Variants in TNC observed in about 807,000 individuals in gnomAD.
TNC encodes tenascin.
TNC carries 109 observed loss-of-function variants against 202.4 expected under a neutral mutation model. That is an observed-to-expected ratio of 0.54 (90% CI 0.46 to 0.63). The LOEUF is 0.63. TNC is among the 30% of genes least tolerant of loss of function. TNC has a pLI of 0.00. For synonymous variants in TNC, 1,007 were observed against 1,089.7 expected (o/e 0.92, Z 1.50); for missense variants, 2,756 against 2,833.3 (o/e 0.97, Z 0.62).
At chr9:115,066,849 C>T (rs1832993425) in intron 10 of TNC, among the ~76,000 whole-genome samples, 1 of 152,220 alleles carries the variant, frequency 6.6e-6, no homozygotes, top group Non-Finnish European at 1.5e-5. Flanking sequence ...TTGATGGCTG[C>T]TTTTGTGTTA....
chr9:115,108,333 A>G (rs1836771278), intron 1 of TNC, among the ~76,000 whole-genome samples: 1 of 152,210 alleles, frequency 6.6e-6, no homozygotes, highest in African/African-American at 2.4e-5. Context: ...TACTGGGCTA[A>G]CGAAAGTTGA....
chr9:115,086,067 C>T lies in TNC; in HGVS notation c.1664G>A (p.Gly555Asp), dbSNP rs749429524. The T allele has an allele frequency of 3.7e-6, 6 of 1,614,158 alleles. No individual in the cohort carries two copies. Among genetic ancestry groups the T allele is most frequent in the Non-Finnish European group, 5.1e-6 (6 of 1,179,970 alleles). ...ACATCTTTGCTCCTTGCAGTCTTTG[C>T]CCATAAATCCTTCATGGCACACGCA... The part of the protein sequence containing the change: ...GQCVCHEGFM[G>D]KDCKEQRCPS... The change falls in exon 3 of 28, where the codon GGC becomes GAC. Residue 555 changes from glycine (G) to aspartate (D), a missense_variant. This residue lies in a region of TNC where 2,559 missense variants were observed against 2,546.0 expected (regional missense o/e 1.01). Coordinates refer to ENST00000350763, the MANE Select transcript of TNC (RefSeq NM_002160.4).
intron 1 of TNC, among the ~76,000 whole-genome samples, chr9:115,095,536 G>A (rs1366249819): frequency 4.3e-3 from 7 of 1,618 alleles, no homozygotes; most frequent in African/African-American, 0.015. Flanking sequence ...ATATATATAT[G>A]TATATATATG....
At chr9:115,048,605 G>T (rs1831397988) in intron 15 of TNC, 73 bp from the exon 16 acceptor site, 2 of 1,434,946 alleles carry the variant, frequency 1.4e-6, no homozygotes, top group Non-Finnish European at 1.9e-6. Flanking sequence ...ACGTTTCCAA[G>T]AACACCAATA....
At chr9:115,108,596 C>A (rs943626164) in intron 1 of TNC, among the ~76,000 whole-genome samples, 1 of 152,176 alleles carries the variant, frequency 6.6e-6, no homozygotes, top group Non-Finnish European at 1.5e-5. Context: ...AATATCACTA[C>A]CTGAAATTGT....
intron 1 of TNC, among the ~76,000 whole-genome samples, chr9:115,097,045 G>A (rs1044906439): frequency 2.0e-5 from 3 of 152,150 alleles, no homozygotes; most frequent in Admixed American, 1.3e-4. Context: ...GCACTGCTGT[G>A]CTCCAGAGTT....
At chr9:115,028,554 T>G (rs939800633) in intron 25 of TNC, among the ~76,000 whole-genome samples, 11 of 152,120 alleles carry the variant, frequency 7.2e-5, no homozygotes, top group African/African-American at 2.7e-4. Context: ...TGAGTTTTGG[T>G]TCTTCCTTAA....
rs1289667964 is a variant in TNC at position 115,086,678 on chromosome 9, G to A, written c.1053C>T (p.His351=). The change falls in exon 3 of 28, where the codon CAC becomes CAT. Residue 351 remains histidine (H), a synonymous_variant. Coordinates refer to ENST00000350763, the MANE Select transcript of TNC (RefSeq NM_002160.4). ...GCCCCTCCTCACACCGGCCCTGGGT[G>A]TGGCAGGCATGTGGGCAGGTGGGTT... ...CGKPTCPHAC[H]TQGRCEEGQC... 1 of 1,614,184 alleles carries A rather than the reference G, an allele frequency of 6.2e-7. No homozygotes were observed. The highest frequency in any genetic ancestry group is 1.7e-5 in the Admixed American group (1 of 60,038).
At position 115,063,999 on chromosome 9, in the gene TNC, G is replaced by T; in HGVS notation, c.3557C>A (p.Thr1186Asn). ...GTACTCATAGGCCCCTTCTGGAGCA[G>T]TCCAGTTGAGTTTGAGGGCATCCCA... ...VGWDALKLNWTAPEGAYEYFF... is the reference protein window; with the variant it reads ...VGWDALKLNWNAPEGAYEYFF... Residue 1186 changes from threonine to asparagine, a missense_variant, in exon 12 of 28, where the codon ACT becomes AAT. Around this residue, in one of 2 missense-constraint regions of TNC, gnomAD observed 2,559 missense variants for 2,546.0 expected, o/e 1.01. Transcript: ENST00000350763. 6.2e-7 allele frequency: 1 copy of T among 1,614,052 alleles called. No homozygotes were observed. Among genetic ancestry groups the T allele is most frequent in the Non-Finnish European group, 8.5e-7 (1 of 1,179,976 alleles).
intron 1 of TNC, among the ~76,000 whole-genome samples, chr9:115,116,232 G>C (rs768211900): frequency 6.6e-6 from 1 of 152,258 alleles, no homozygotes; most frequent in East Asian, 1.9e-4. Context: ...ACAAAGCATA[G>C]AGGAAAAAAA....
chr9:115,041,299 CCA>C (rs1491065851), intron 18 of TNC, among the ~76,000 whole-genome samples: 5 of 79,672 alleles, frequency 6.3e-5, no homozygotes, highest in African/African-American at 2.6e-4. Context: ...AAAAACAAAG[CCA>C]GGAGGGGCGG....
chr9:115,065,183 G>A (rs1832855258), intron 10 of TNC, among the ~76,000 whole-genome samples: 2 of 152,138 alleles, frequency 1.3e-5, no homozygotes, highest in Admixed American at 6.5e-5. Context: ...ATCATTTGAG[G>A]TCAGGGGTTC....
At chr9:115,062,147 G>A (rs528087726) in intron 13 of TNC, among the ~76,000 whole-genome samples, 1 of 152,324 alleles carries the variant, frequency 6.6e-6, no homozygotes, top group African/African-American at 2.4e-5. Context: ...CTCTGTTGCT[G>A]TATGATAAAT....
chr9:115,021,655 G>A (rs962379314), intron 27 of TNC, among the ~76,000 whole-genome samples: 1 of 152,212 alleles, frequency 6.6e-6, no homozygotes, highest in Non-Finnish European at 1.5e-5. Context: ...GTGTGTGTGT[G>A]TGTGTCTGTA....
intron 6 of TNC, among the ~76,000 whole-genome samples, chr9:115,079,628 T>C (rs1042350067): frequency 6.6e-6 from 1 of 152,140 alleles, no homozygotes; most frequent in African/African-American, 2.4e-5. Context: ...GCAAAGATGG[T>C]GCTTTGTTAT....
chr9:115,063,534 T>C (rs917644960), intron 12 of TNC, among the ~76,000 whole-genome samples: 2 of 152,168 alleles, frequency 1.3e-5, no homozygotes, highest in African/African-American at 2.4e-5. Flanking sequence ...ACTTTTTAGA[T>C]ATTGTGACTG....
intron 1 of TNC, among the ~76,000 whole-genome samples, chr9:115,111,599 C>T (rs187984943): frequency 6.6e-5 from 10 of 151,644 alleles, no homozygotes; most frequent in Admixed American, 5.3e-4. Flanking sequence ...TTAGTAGATA[C>T]GGGGTTTCAG....
intron 1 of TNC, among the ~76,000 whole-genome samples, chr9:115,107,841 C>T (rs1836732740): frequency 6.6e-6 from 1 of 152,208 alleles, no homozygotes; most frequent in Admixed American, 6.5e-5. Flanking sequence ...AGACCTTCAG[C>T]AGCTCTTTGG....
At chr9:115,065,901 CAAAAAAAA>C (rs35177151) in intron 10 of TNC, among the ~76,000 whole-genome samples, 2 of 46,674 alleles carry the variant, frequency 4.3e-5, no homozygotes, top group African/African-American at 8.4e-5. Context: ...GACTCCATCT[CAAAAAAAA>C]AAAAAAAAAA....
Sources: gnomAD v4.1 joint callset for allele counts (sites outside exome capture counted in the v4.1 genomes callset) on GRCh38, gnomAD v4.1.1 for gene constraint, gnomAD v4.1.1 regional missense constraint, MANE v1.5 for transcripts, NCBI Gene and HGNC (gene_info 2026-07-23, HGNC 2026-07-21) for gene names.